GPC5: variants seen among roughly 807,000 people sequenced by gnomAD.
GPC5 encodes glypican 5, also known as glypican-5.
Under a neutral mutation model 53.9 loss-of-function variants are expected in GPC5, and 47 were observed. The ratio of observed to expected loss-of-function variants is 0.87; its 90% confidence interval spans 0.69 to 1.11. The LOEUF (loss-of-function observed/expected upper bound fraction) is 1.11, where lower values mean the gene tolerates loss of function less well. Among genes scored for constraint, GPC5 ranks in the 50% most tolerant of loss-of-function variants. GPC5 has a pLI of 0.00. For missense variants in GPC5, 748 were observed against 713.1 expected, an observed-to-expected ratio of 1.05 and a Z score of -0.56; for synonymous variants, 286 against 263.3, an observed-to-expected ratio of 1.09 and a Z score of -0.84.
At chr13:92,290,796 G>T (rs1482462561) in intron 7 of GPC5, among the ~76,000 whole-genome samples, 2 of 152,158 alleles carry the variant, frequency 1.3e-5, no homozygotes, top group African/African-American at 4.8e-5. Flanking sequence ...GGCACTTGAG[G>T]AGCCCTTCAG....
At chr13:92,129,562 G>A (rs779708893) in intron 6 of GPC5, among the ~76,000 whole-genome samples, 54 of 152,064 alleles carry the variant, frequency 3.6e-4, no homozygotes, top group African/African-American at 1.0e-3. Flanking sequence ...AGAATTAAGC[G>A]GACAAATTTA....
At chr13:92,039,239 T>C (rs1157447701) in intron 6 of GPC5, among the ~76,000 whole-genome samples, 2 of 152,208 alleles carry the variant, frequency 1.3e-5, no homozygotes, top group Non-Finnish European at 2.9e-5. Context: ...AAGTTGTTAT[T>C]ATGTTTTCCG....
chr13:91,814,831 G>A (rs553166733), intron 5 of GPC5, among the ~76,000 whole-genome samples: 5 of 152,216 alleles, frequency 3.3e-5, no homozygotes, highest in Admixed American at 2.6e-4. Context: ...ATAAGCCACC[G>A]CACCTGGCCA....
At chr13:91,623,873 T>C (rs1161802000) in intron 2 of GPC5, among the ~76,000 whole-genome samples, 1 of 152,118 alleles carries the variant, frequency 6.6e-6, no homozygotes, top group Admixed American at 6.6e-5. Flanking sequence ...GGTTGTATCT[T>C]ATGGTAATGG....
rs9583956 is a variant in GPC5 at position 91,694,396 on chromosome 13, A to G, written c.1020+515A>G. ...TATATCCCTGAAGTTAAGACTTGAT[A>G]GCTTAGTGTTCAAAAGAGTTTCTTC... On this transcript the variant is annotated intron_variant, in intron 3 of 7. Coordinates refer to ENST00000377067, the MANE Select transcript of GPC5 (RefSeq NM_004466.6). Among the ~76,000 whole-genome samples the G allele has an allele frequency of 5.4e-3, 828 of 152,332 alleles. 8 individuals carry two copies. The highest frequency in any genetic ancestry group is 0.035 in the South Asian group (169 of 4,828).
chr13:91,638,776 A>G (rs2034347361), intron 2 of GPC5, among the ~76,000 whole-genome samples: 1 of 152,232 alleles, frequency 6.6e-6, no homozygotes, highest in Non-Finnish European at 1.5e-5. Flanking sequence ...AGGAAATAAT[A>G]TACCCCAAAT....
chr13:92,018,698 T>C (rs1193121927), intron 6 of GPC5, among the ~76,000 whole-genome samples: 2 of 152,136 alleles, frequency 1.3e-5, no homozygotes, highest in East Asian at 1.9e-4. Flanking sequence ...TTTCAAATTC[T>C]TCAGTATTTT....
At chr13:91,817,829 G>T (rs143389396) in intron 5 of GPC5, among the ~76,000 whole-genome samples, 183 of 152,176 alleles carry the variant, frequency 1.2e-3, no homozygotes, top group African/African-American at 4.3e-3. Context: ...ATGTGATAAA[G>T]AACTTTTCGT....
intron 7 of GPC5, among the ~76,000 whole-genome samples, chr13:92,666,878 T>A (rs1457733077): frequency 6.6e-6 from 1 of 152,206 alleles, no homozygotes; most frequent in African/African-American, 2.4e-5. Flanking sequence ...AGCTATATTG[T>A]GGACCTTATA....
intron 4 of GPC5, among the ~76,000 whole-genome samples, chr13:91,741,504 C>T (rs1478575797): frequency 1.3e-5 from 2 of 151,868 alleles, no homozygotes; most frequent in Non-Finnish European, 2.9e-5. Context: ...AATAATTAAA[C>T]GTGGGAAAAA....
intron 6 of GPC5, among the ~76,000 whole-genome samples, chr13:91,921,916 A>T (rs1040493188): frequency 1.3e-5 from 2 of 152,124 alleles, no homozygotes; most frequent in Non-Finnish European, 2.9e-5. Context: ...GGCTGCAGTG[A>T]GCTGTGATCA....
intron 7 of GPC5, among the ~76,000 whole-genome samples, chr13:92,166,742 C>T (rs1054656709): frequency 6.6e-6 from 1 of 152,110 alleles, no homozygotes; most frequent in South Asian, 2.1e-4. Flanking sequence ...CTGTTTAACA[C>T]TTGAGTATCA....
intron 7 of GPC5, among the ~76,000 whole-genome samples, chr13:92,599,691 G>C (rs1254810665): frequency 6.6e-6 from 1 of 152,144 alleles, no homozygotes; most frequent in Non-Finnish European, 1.5e-5. Context: ...ATAAGCGGTT[G>C]AAGGACAAAA....
At chr13:92,441,806 G>T (rs1240622405) in intron 7 of GPC5, among the ~76,000 whole-genome samples, 1 of 151,988 alleles carries the variant, frequency 6.6e-6, no homozygotes, top group East Asian at 1.9e-4. Context: ...AACTACCAAT[G>T]ACATTTTTCA....
intron 7 of GPC5, among the ~76,000 whole-genome samples, chr13:92,371,397 G>T (rs79941989): frequency 0.014 from 2,193 of 152,176 alleles, 54 homozygotes; most frequent in African/African-American, 0.05. Flanking sequence ...GGATTATCTG[G>T]TGGGCCCAGT....
At chr13:92,848,220 T>C (rs1878674205) in intron 7 of GPC5, among the ~76,000 whole-genome samples, 1 of 152,208 alleles carries the variant, frequency 6.6e-6, no homozygotes, top group South Asian at 2.1e-4. Flanking sequence ...TTTTATTGAA[T>C]TTTTGTATCT....
intron 7 of GPC5, among the ~76,000 whole-genome samples, chr13:92,749,823 G>C (rs938336899): frequency 2.0e-5 from 3 of 152,124 alleles, no homozygotes; most frequent in Admixed American, 6.5e-5. Flanking sequence ...GACTTATTCA[G>C]AGAATGTAGC....
intron 4 of GPC5, among the ~76,000 whole-genome samples, chr13:91,756,001 G>A (rs1189492465): frequency 6.7e-6 from 1 of 150,366 alleles, no homozygotes; most frequent in African/African-American, 2.5e-5. Flanking sequence ...CTTCTTGCAT[G>A]TGAAGTTACA....
chr13:92,598,735 T>C (rs1298531163), intron 7 of GPC5, among the ~76,000 whole-genome samples: 1 of 152,140 alleles, frequency 6.6e-6, no homozygotes, highest in Non-Finnish European at 1.5e-5. Context: ...TAATGATTAA[T>C]ACCAGGAAAG....
Sources: allele counts gnomAD v4.1 joint callset (sites outside exome capture counted in the v4.1 genomes callset), GRCh38; gene constraint gnomAD v4.1.1; transcripts MANE v1.5; gene names NCBI Gene and HGNC (gene_info 2026-07-23, HGNC 2026-07-21).